Variants in LRRTM4 observed in about 807,000 individuals in gnomAD.
The protein encoded by LRRTM4 is leucine-rich repeat transmembrane neuronal protein 4.
LRRTM4 carries 25 observed loss-of-function variants against 47.6 expected under a neutral mutation model. That is an observed-to-expected ratio of 0.53 (90% CI 0.38 to 0.73). LRRTM4 has a LOEUF of 0.73. LRRTM4 is among the 30% of genes least tolerant of loss of function. The probability of loss-of-function intolerance (pLI) is 0.00; values close to 1 mark genes in which losing one functional copy is unlikely to be tolerated. For synonymous variants in LRRTM4, 311 were observed against 269.5 expected (o/e 1.15, Z -1.51); for missense variants, 638 against 713.4 (o/e 0.89, Z 1.20).
chr2:77,357,112 G>C (rs1158841379), intron 3 of LRRTM4, among the ~76,000 whole-genome samples: 1 of 152,040 alleles, frequency 6.6e-6, no homozygotes, highest in African/African-American at 2.4e-5. Flanking sequence ...TGTCATGCCT[G>C]AGATATTTTA....
intron 3 of LRRTM4, among the ~76,000 whole-genome samples, chr2:77,347,610 T>C (rs1671615325): frequency 6.6e-6 from 1 of 152,136 alleles, no homozygotes; most frequent in African/African-American, 2.4e-5. Context: ...ATCATGGATA[T>C]ACAGTTTTAT....
chr2:77,463,306 T>C (rs1392258552), intron 3 of LRRTM4, among the ~76,000 whole-genome samples: 1 of 152,114 alleles, frequency 6.6e-6, no homozygotes, highest in Non-Finnish European at 1.5e-5. Context: ...CCATCATTGA[T>C]GAAAGCATTG....
intron 3 of LRRTM4, among the ~76,000 whole-genome samples, chr2:77,004,894 C>T (rs1163676526): frequency 5.9e-5 from 9 of 152,116 alleles, no homozygotes; most frequent in Non-Finnish European, 1.2e-4. Flanking sequence ...TTGACTGCCC[C>T]GCTGGATTTC....
At chr2:77,309,178 G>A (rs954599829) in intron 3 of LRRTM4, among the ~76,000 whole-genome samples, 2 of 152,070 alleles carry the variant, frequency 1.3e-5, no homozygotes, top group African/African-American at 4.8e-5. Flanking sequence ...AGACCCTGAA[G>A]CACAGTTCAA....
At chr2:76,833,618 G>A (rs1417182875) in intron 3 of LRRTM4, among the ~76,000 whole-genome samples, 1 of 151,732 alleles carries the variant, frequency 6.6e-6, no homozygotes, top group Non-Finnish European at 1.5e-5. Flanking sequence ...AATATTGTAA[G>A]ATATGACATT....
chr2:77,207,372 T>TATATATATATATATACACACACAC lies in LRRTM4; in HGVS notation c.1551+310945_1551+310946insGTGTGTGTGTATATATATATATAT, dbSNP rs59335400. ...GTGTATATATATATATATATATATA[T>TATATATATATATATACACACACAC]ACACACACACATATTTATATACACA... On this transcript the variant is annotated intron_variant, in intron 3 of 3. Transcript: ENST00000409884. 5.3e-5 allele frequency among the ~76,000 whole-genome samples: 7 copies of TATATATATATATATACACACACAC among 131,096 alleles called. No individual in the cohort carries two copies. In the East Asian group the frequency reaches 1.9e-3, roughly 36 times the overall value. 86.0% of individuals were successfully genotyped at this position (131,096 alleles called of 152,430 possible). A position where few individuals can be genotyped will look rare whatever the true frequency, so the allele number is the denominator to read the frequency against.
At chr2:77,500,151 C>G (rs541149114) in intron 3 of LRRTM4, among the ~76,000 whole-genome samples, 126 of 151,880 alleles carry the variant, frequency 8.3e-4, no homozygotes, top group Non-Finnish European at 1.5e-3. Flanking sequence ...TCTTCCATCA[C>G]TTTGAATGCT....
chr2:76,774,610 G>C (rs74337108), intron 3 of LRRTM4, among the ~76,000 whole-genome samples: 2,798 of 152,226 alleles, frequency 0.018, 81 homozygotes, highest in African/African-American at 0.061. Flanking sequence ...AGTAGGCTAA[G>C]GAGGAGGAAC....
At chr2:77,033,024 A>G (rs1365748696) in intron 3 of LRRTM4, among the ~76,000 whole-genome samples, 1 of 152,112 alleles carries the variant, frequency 6.6e-6, no homozygotes, top group Non-Finnish European at 1.5e-5. Flanking sequence ...CACAGGGAAT[A>G]AGAAAGAAAT....
intron 3 of LRRTM4, among the ~76,000 whole-genome samples, chr2:77,012,519 G>C (rs751493720): frequency 6.6e-6 from 1 of 152,176 alleles, no homozygotes; most frequent in Non-Finnish European, 1.5e-5. Context: ...AGATTACAGA[G>C]AATCACCTGC....
chr2:77,059,509 A>G (rs957150492), intron 3 of LRRTM4, among the ~76,000 whole-genome samples: 1 of 152,182 alleles, frequency 6.6e-6, no homozygotes, highest in Non-Finnish European at 1.5e-5. Context: ...CTCAATCATC[A>G]TTTGGAACAC....
At chr2:77,039,914 TAATAA>T (rs369733075) in intron 3 of LRRTM4, among the ~76,000 whole-genome samples, 25 of 151,244 alleles carry the variant, frequency 1.7e-4, no homozygotes, top group South Asian at 1.2e-3. Flanking sequence ...TAGTTAATAT[TAATAA>T]AATATTTTTA....
At chr2:76,847,526 C>T (rs1433386066) in intron 3 of LRRTM4, among the ~76,000 whole-genome samples, 1 of 152,054 alleles carries the variant, frequency 6.6e-6, no homozygotes, top group Non-Finnish European at 1.5e-5. Context: ...CAATCAAAGA[C>T]GTATGGCCAG....
chr2:77,452,212 A>T (rs1431083065), intron 3 of LRRTM4, among the ~76,000 whole-genome samples: 1 of 152,236 alleles, frequency 6.6e-6, no homozygotes, highest in Non-Finnish European at 1.5e-5. Flanking sequence ...AGATGAAAAC[A>T]GATAAAGGGG....
chr2:76,776,463 GA>G (rs1471739664), intron 3 of LRRTM4, among the ~76,000 whole-genome samples: 1 of 152,128 alleles, frequency 6.6e-6, no homozygotes, highest in Non-Finnish European at 1.5e-5. Context: ...ACTGGTGTGA[GA>G]TGGTATCTCA....
intron 3 of LRRTM4, among the ~76,000 whole-genome samples, chr2:76,982,965 TAAGTA>T (rs1676664162): frequency 6.6e-6 from 1 of 152,056 alleles, no homozygotes; most frequent in African/African-American, 2.4e-5. Flanking sequence ...AAGTTACAGA[TAAGTA>T]AATTGAAGAT....
At chr2:77,305,812 A>G (rs1677255160) in intron 3 of LRRTM4, among the ~76,000 whole-genome samples, 1 of 152,156 alleles carries the variant, frequency 6.6e-6, no homozygotes, top group South Asian at 2.1e-4. Flanking sequence ...TCTATTTTAT[A>G]TTTTAATAAT....
intron 3 of LRRTM4, among the ~76,000 whole-genome samples, chr2:76,993,556 A>G (rs1288545213): frequency 3.3e-5 from 5 of 152,014 alleles, no homozygotes; most frequent in Non-Finnish European, 7.4e-5. Context: ...CCACAGTGAC[A>G]TATTATCTCA....
chr2:77,137,221 G>A (rs767551106), intron 3 of LRRTM4, among the ~76,000 whole-genome samples: 2 of 151,882 alleles, frequency 1.3e-5, no homozygotes, highest in Non-Finnish European at 2.9e-5. Context: ...AGGGCAGCCA[G>A]AAAGAAAGCT....
Sources: gnomAD v4.1 joint callset for allele counts (sites outside exome capture counted in the v4.1 genomes callset) on GRCh38, gnomAD v4.1.1 for gene constraint, MANE v1.5 for transcripts, NCBI Gene and HGNC (gene_info 2026-07-23, HGNC 2026-07-21) for gene names.